Variants in KIF11 observed in about 807,000 individuals in gnomAD.
KIF11 encodes kinesin family member 11.
A neutral mutation model predicts 121.0 loss-of-function variants in KIF11; 9 were observed. The ratio of observed to expected loss-of-function variants is 0.07; its 90% CI spans 0.04 to 0.13. KIF11 has a LOEUF of 0.13. KIF11 is among the 10% of genes least tolerant of loss of function. KIF11 has a pLI of 1.00. For synonymous variants in KIF11, 408 were observed against 421.0 expected, an observed-to-expected ratio of 0.97 and a Z score of 0.38; for missense variants, 846 against 1,217.5, an observed-to-expected ratio of 0.69 and a Z score of 4.54.
intron 10 of KIF11, 36 bp from the exon 11 acceptor site, chr10:92,628,772 T>G (rs1023913973): frequency 6.9e-6 from 8 of 1,153,250 alleles, no homozygotes; most frequent in Non-Finnish European, 3.8e-6. Flanking sequence ...TAGAAAAAAA[T>G]ATTAACTGTT....
intron 18 of KIF11, among the ~76,000 whole-genome samples, chr10:92,647,593 G>A (rs1173323787): frequency 1.3e-5 from 2 of 152,152 alleles, no homozygotes; most frequent in Non-Finnish European, 2.9e-5. Flanking sequence ...CTTTTTAGAT[G>A]TGATAGTGGT....
chr10:92,614,061 CACACAT>C (rs1190677296), intron 8 of KIF11, among the ~76,000 whole-genome samples: 2,573 of 123,468 alleles, frequency 0.021, 108 homozygotes, highest in African/African-American at 0.07. Flanking sequence ...CACACACACA[CACACAT>C]ATAGTAGGGA....
At position 92,633,711 on chromosome 10, in the gene KIF11, T is replaced by C; in HGVS notation, c.1791T>C (p.Ser597=). 1 of 1,594,408 alleles carries C rather than the reference T, an allele frequency of 6.3e-7. No homozygotes were observed. Among genetic ancestry groups the C allele is most frequent in the Non-Finnish European group, 8.6e-7 (1 of 1,162,530 alleles). Residue 597 remains serine, a synonymous_variant, in exon 14 of 22, where the codon TCT becomes TCC. Transcript: ENST00000260731. ...GSLTSIPENV[S]THVSQIFNMI... ...TCACATCTATTCCAGAAAATGTGTC[T>C]ACTCATGTTTCTCAGATTTTTAATA...
intron 10 of KIF11, among the ~76,000 whole-genome samples, chr10:92,626,207 C>A (rs911513988): frequency 3.3e-5 from 5 of 152,282 alleles, no homozygotes; most frequent in Admixed American, 1.3e-4. Context: ...CATCATGGTA[C>A]TGGTACAAAA....
intron 13 of KIF11, among the ~76,000 whole-genome samples, chr10:92,633,165 T>G (rs1844757859): frequency 1.3e-5 from 2 of 152,150 alleles, no homozygotes; most frequent in African/African-American, 4.8e-5. Flanking sequence ...GAAAAAAGTA[T>G]GTTTATTTAG....
Position 92,611,363 on chromosome 10 carries a change from C to T in KIF11, c.699-1677C>T, listed in dbSNP as rs183052953. ...GAGTAGCTGGGACTACAGGTGCCCACCACCACGCCTGGCTAATTTTTTGTA... is the reference window on the plus strand; with the variant it reads ...GAGTAGCTGGGACTACAGGTGCCCATCACCACGCCTGGCTAATTTTTTGTA... On this transcript the variant is annotated intron_variant, in intron 6 of 21. Coordinates refer to ENST00000260731, the MANE Select transcript of KIF11 (RefSeq NM_004523.4). Among the ~76,000 whole-genome samples, 385 of 151,994 alleles carry T rather than the reference C, an allele frequency of 2.5e-3. 1 individual carries two copies. Among genetic ancestry groups the T allele is most frequent in the Non-Finnish European group, 4.4e-3 (296 of 67,986 alleles).
At chr10:92,652,194 G>A (rs935315533) in intron 21 of KIF11, among the ~76,000 whole-genome samples, 3 of 151,922 alleles carry the variant, frequency 2.0e-5, no homozygotes, top group African/African-American at 7.3e-5. Context: ...AGGCCAGAGT[G>A]CAATTGCCTG....
chr10:92,598,124 T>C (rs1185716275), intron 1 of KIF11, among the ~76,000 whole-genome samples: 1 of 152,222 alleles, frequency 6.6e-6, no homozygotes, highest in African/African-American at 2.4e-5. Context: ...TTTGTCTTTT[T>C]GTTTTTGTTC....
At position 92,609,281 on chromosome 10, in the gene KIF11, AGAGAGAGAGAGAGAGAGAGAGAGTGT is replaced by A. The variant is rs1485996398; in HGVS notation, c.573+78_574-77del. The A allele has an allele frequency of 9.3e-6, 11 of 1,180,312 alleles. No homozygotes were observed. The East Asian group carries it at 1.5e-4, about 16-fold the overall frequency. 73.1% of individuals were successfully genotyped at this position (1,180,312 alleles called of 1,614,324 possible). On this transcript the variant is annotated intron_variant, in intron 5 of 21. Transcript: ENST00000260731. ...TTTGAGAAGTCAGAGAGAGAGAGAGAGAGAGAGAGAGAGAGAGAGAGAGTGTGTGTGTGTGTGTGTGTGTGTGTGTG... is the reference window on the plus strand; with the variant it reads ...TTTGAGAAGTCAGAGAGAGAGAGAGAGTGTGTGTGTGTGTGTGTGTGTGTG...
rs1589594041 is a variant in KIF11, at chr10:92,613,990, A to AG, written c.1032+371_1032+372insG. Among the ~76,000 whole-genome samples, 37 of 123,486 alleles carry AG rather than the reference A, an allele frequency of 3.0e-4. No homozygotes were observed. In the Admixed American group the frequency reaches 3.2e-3, roughly 11 times the overall value. 81.0% of individuals were successfully genotyped at this position (123,486 alleles called of 152,430 possible). On this transcript the variant is annotated intron_variant, in intron 8 of 21. Transcript: ENST00000260731. The surrounding 1 kb of genome is among the most constrained non-coding windows in gnomAD (Gnocchi z 4.2). ...GACCCCATCTCAAAAAAAAAAAAGT[A>AG]TGTGTATAAAAAAAAAGAAAAGTAT...
intron 6 of KIF11, 136 bp from the exon 7 acceptor site, chr10:92,612,904 T>C (rs1339858656): frequency 1.2e-5 from 7 of 565,496 alleles, no homozygotes; most frequent in African/African-American, 1.9e-5. Flanking sequence ...TTCCAAAATA[T>C]TCTTGATATC....
At chr10:92,606,127 T>C in intron 1 of KIF11, 138 bp from the exon 2 acceptor site, 1 of 625,136 alleles carries the variant, frequency 1.6e-6, no homozygotes, top group East Asian at 2.8e-5. Context: ...GCAATATCAC[T>C]TAGTCCTGAT....
chr10:92,630,165 C>A lies in KIF11; in HGVS notation c.1306-11C>A. The A allele has an allele frequency of 1.4e-6, 2 of 1,417,956 alleles. No individual in the cohort carries two copies. Among genetic ancestry groups the A allele is most frequent in the Non-Finnish European group, 1.9e-6 (2 of 1,056,332 alleles). 87.8% of individuals were successfully genotyped at this position (1,417,956 alleles called of 1,614,324 possible). A position where few individuals can be genotyped will look rare whatever the true frequency, so the allele number is the denominator to read the frequency against. ...CAGCCAGCTCAGCGTTTTTTAAATT[C>A]TTATATTTAGGTTACAGAGTTGTTT... is the stretch of plus-strand genomic sequence containing the variant. On this transcript the variant is annotated splice_polypyrimidine_tract_variant and intron_variant, in intron 11 of 21. Transcript: ENST00000260731.
intron 8 of KIF11, among the ~76,000 whole-genome samples, chr10:92,614,021 TACACACACACACACACACACACACAC>T (rs71028831): frequency 6.3e-5 from 8 of 127,054 alleles, no homozygotes; most frequent in African/African-American, 2.6e-4. Flanking sequence ...AGTATGTGTA[TACACACACACACACACACACACACAC>T]ACACACACAC....
At position 92,613,566 on chromosome 10, in the gene KIF11, C is replaced by T. The variant is rs191708835; in HGVS notation, c.979C>T (p.Arg327Cys). The change falls in exon 8 of 22, where the codon CGT becomes TGT. Residue 327 changes from arginine (R) to cysteine (C), a missense_variant. Around this residue, in one of 5 missense-constraint regions of KIF11, gnomAD observed 116 missense variants for 285.3 expected, o/e 0.41. Coordinates refer to ENST00000260731, the MANE Select transcript of KIF11 (RefSeq NM_004523.4). This position sits in a 1 kb window ranked among gnomAD's most constrained non-coding sequence, Gnocchi z 4.2. Reference protein sequence around the residue: ...TRILQDSLGGRTRTSIIATIS... With the variant: ...TRILQDSLGGCTRTSIIATIS... ...AATCCTCCAGGATTCTCTTGGAGGG[C>T]GTACAAGAACATCTATAATTGCAAC... is the stretch of plus-strand genomic sequence containing the variant. 8.1e-6 allele frequency: 13 copies of T among 1,611,952 alleles called. No individual in the cohort carries two copies. Among genetic ancestry groups the T allele is most frequent in the Admixed American group, 3.3e-5 (2 of 59,922 alleles).
At chr10:92,611,275 C>T (rs1229377067) in intron 6 of KIF11, among the ~76,000 whole-genome samples, 2 of 151,948 alleles carry the variant, frequency 1.3e-5, no homozygotes, top group Non-Finnish European at 2.9e-5. Flanking sequence ...TGAAGTGATG[C>T]GATCTCGGCT....
At chr10:92,597,801 G>A (rs778459439) in intron 1 of KIF11, among the ~76,000 whole-genome samples, 2 of 150,492 alleles carry the variant, frequency 1.3e-5, no homozygotes, top group African/African-American at 4.9e-5. Context: ...ACAGGCATGC[G>A]CCACCACGCC....
intron 1 of KIF11, chr10:92,596,871 A>G (rs899337710): frequency 1.9e-5 from 4 of 213,908 alleles, no homozygotes; most frequent in Non-Finnish European, 3.0e-5. Context: ...GAACCAGTGC[A>G]TGGCCTCTTT....
At chr10:92,638,606 G>C (rs1300711498) in intron 16 of KIF11, among the ~76,000 whole-genome samples, 2 of 152,186 alleles carry the variant, frequency 1.3e-5, no homozygotes, top group Non-Finnish European at 2.9e-5. Flanking sequence ...ATCTTAGCAT[G>C]AATGGTTTGG....
Sources: allele counts gnomAD v4.1 joint callset (sites outside exome capture counted in the v4.1 genomes callset), GRCh38; gene constraint gnomAD v4.1.1; regional missense constraint gnomAD v4.1.1; non-coding constraint Gnocchi (gnomAD v3.1); transcripts MANE v1.5; gene names NCBI Gene and HGNC (gene_info 2026-07-23, HGNC 2026-07-21).